FGFR4: variants seen among roughly 807,000 people sequenced by gnomAD.
FGFR4 encodes the protein fibroblast growth factor receptor 4, also known as hydroxyaryl-protein kinase.
A neutral mutation model predicts 89.9 loss-of-function variants in FGFR4; 63 were observed. The observed-to-expected ratio is 0.70, with a 90% CI of 0.57 to 0.86. FGFR4 has a LOEUF of 0.86. Among genes scored for constraint, FGFR4 ranks in the 40% least tolerant of loss-of-function variants. FGFR4 has a pLI of 0.00. For missense variants in FGFR4, 928 were observed against 1,106.7 expected, an observed-to-expected ratio of 0.84 and a Z score of 2.29; for synonymous variants, 486 against 479.4, an observed-to-expected ratio of 1.01 and a Z score of -0.18.
chr5:177,090,515 C>T lies in FGFR4; in HGVS notation c.217C>T (p.Leu73=), dbSNP rs771670162. The T allele has an allele frequency of 2.5e-5, 39 of 1,561,562 alleles. No homozygotes were observed. Among genetic ancestry groups the T allele is most frequent in the Non-Finnish European group, 3.4e-5 (39 of 1,153,580 alleles). The change falls in exon 3 of 18, where the codon CTG becomes TTG. Residue 73 remains leucine (L), a synonymous_variant. Transcript: ENST00000292408. ...GGHWYKEGSR[L]APAGRVRGWR... ...CCACTGGTACAAGGAGGGCAGTCGC[C>T]TGGCACCTGCTGGCCGTGTACGGGG...
chr5:177,096,452 C>T, intron 15 of FGFR4, 95 bp downstream of exon 15: 1 of 1,553,258 alleles, frequency 6.4e-7, no homozygotes, highest in East Asian at 2.3e-5. Context: ...TCGAGGGCTC[C>T]TTCAGATTTG....
chr5:177,095,550 G>A lies in FGFR4; in HGVS notation c.1648G>A (p.Val550Met), dbSNP rs774571806. ...CTCTGCAGGGCCCCTGTACGTGATC[G>A]TGGAGTGCGCCGCCAAGGGAAACCT... Reference protein sequence around the residue: ...CTQEGPLYVIVECAAKGNLRE... With the variant: ...CTQEGPLYVIMECAAKGNLRE... The change falls in exon 13 of 18, where the codon GTG (valine) becomes ATG (methionine). Residue 550 changes from valine (V) to methionine (M), a missense_variant. By Grantham distance (21) the Val-to-Met change is conservative (BLOSUM62 1). Around this residue, in one of 5 missense-constraint regions of FGFR4, gnomAD observed 741 missense variants for 836.9 expected, o/e 0.89. Coordinates refer to ENST00000292408, the MANE Select transcript of FGFR4 (RefSeq NM_213647.3). The surrounding 1 kb of genome is among the most constrained non-coding windows in gnomAD (Gnocchi z 5.7). The A allele has an allele frequency of 1.2e-6, 2 of 1,610,340 alleles. No individual in the cohort carries two copies. Among genetic ancestry groups the A allele is most frequent in the Non-Finnish European group, 1.7e-6 (2 of 1,178,372 alleles).
chr5:177,096,315 C>T lies in FGFR4; in HGVS notation c.1973C>T (p.Pro658Leu). Residue 658 changes from proline (P) to leucine (L), a missense_variant, in exon 15 of 18, where the codon CCC (proline) becomes CTC (leucine). By Grantham distance (98) the Pro-to-Leu change is moderately conservative (BLOSUM62 -3). This residue lies in a region of FGFR4 where 27 missense variants were observed against 64.4 expected (regional missense o/e 0.42). Coordinates refer to ENST00000292408, the MANE Select transcript of FGFR4 (RefSeq NM_213647.3). ...NGRLPVKWMA[P>L]EALFDRVYTH... ...CGCCTGCCTGTGAAGTGGATGGCGC[C>T]CGAGGCCTTGTTTGACCGGGTGTAC... 1 of 1,614,086 alleles carries T rather than the reference C, an allele frequency of 6.2e-7. No individual in the cohort carries two copies.
At position 177,097,112 on chromosome 5, in the gene FGFR4, C is replaced by G. The variant is rs1386810280; in HGVS notation, c.2154-180C>G. On this transcript the variant is annotated intron_variant, in intron 16 of 17. Transcript: ENST00000292408. ...CCTCCTCCTCCTCCTGCTCCTCTTC[C>G]TCCTCCTCCTCTTCCTCCTCCTCAG... is the stretch of plus-strand genomic sequence containing the variant. 4.1e-6 allele frequency: 2 copies of G among 493,408 alleles called. 1 individual carries two copies. The highest frequency in any genetic ancestry group is 5.3e-5 in the South Asian group (2 of 37,858). The allele number at this position is 493,408 out of a possible 1,614,324, so 30.6% of individuals were successfully genotyped here.
intron 14 of FGFR4, 52 bp downstream of exon 14, chr5:177,096,231 G>A (rs187044035): frequency 1.2e-3 from 1,957 of 1,613,258 alleles, no homozygotes; most frequent in Non-Finnish European, 1.5e-3. Flanking sequence ...CTGGGCCCGG[G>A]GTGGCAGGCA....
chr5:177,094,466 C>T (rs1784479817), intron 11 of FGFR4, among the ~76,000 whole-genome samples: 1 of 152,094 alleles, frequency 6.6e-6, no homozygotes, highest in African/African-American at 2.4e-5. Flanking sequence ...TTGTCAGCCT[C>T]ACAGGCCCTC....
At chr5:177,092,168 G>T (rs1349818794) in intron 6 of FGFR4, among the ~76,000 whole-genome samples, 153 bp from the exon 7 acceptor site, 1 of 152,190 alleles carries the variant, frequency 6.6e-6, no homozygotes, top group Non-Finnish European at 1.5e-5. Context: ...GAAGCAATAG[G>T]GAGCCAGGGA....
chr5:177,090,356 GC>G, intron 2 of FGFR4, 33 bp from the exon 3 acceptor site: 1 of 1,599,410 alleles, frequency 6.3e-7, no homozygotes, highest in Non-Finnish European at 8.5e-7. Flanking sequence ...AGATGGGGCT[GC>G]GGGGTCTGCT....
rs547054744 is a variant in FGFR4 at position 177,094,519 on chromosome 5, C to T, written c.1519+744C>T. Among the ~76,000 whole-genome samples, 40 of 151,940 alleles carry T rather than the reference C, an allele frequency of 2.6e-4. 1 individual carries two copies. Among genetic ancestry groups the T allele is most frequent in the Non-Finnish European group, 5.0e-4 (34 of 67,946 alleles). The stretch of plus-strand genomic sequence containing the variant: ...TTCCCCCCAGACACACCCTCAGCCT[C>T]CCTTGGACCCTCCCTAGGTCTGCCC... On this transcript the variant is annotated intron_variant, in intron 11 of 17. Coordinates refer to ENST00000292408, the MANE Select transcript of FGFR4 (RefSeq NM_213647.3).
intron 14 of FGFR4, 45 bp from the exon 15 acceptor site, chr5:177,096,242 C>T (rs774336410): frequency 5.0e-6 from 8 of 1,613,480 alleles, no homozygotes; most frequent in Middle Eastern, 1.7e-4. Context: ...GTGGCAGGCA[C>T]GAGGACCTGT....
In FGFR4 at chr5:177,093,787, C is replaced by G. The variant is rs1784455664; in HGVS notation, c.1519+12C>G. 2 of 1,607,592 alleles carry G rather than the reference C, an allele frequency of 1.2e-6. No homozygotes were observed. Among genetic ancestry groups the G allele is most frequent in the Admixed American group, 3.3e-5 (2 of 59,814 alleles). On this transcript the variant is annotated intron_variant, in intron 11 of 17. Transcript: ENST00000292408. This position sits in a 1 kb window ranked among gnomAD's most constrained non-coding sequence, Gnocchi z 5.8. ...CAAGATGCTCAAAGGTGAGTGTGGC[C>G]CGGTGTGGTGGCTCACACCTGTAAC...
intron 11 of FGFR4, among the ~76,000 whole-genome samples, chr5:177,094,106 C>T (rs1002197930): frequency 2.0e-5 from 3 of 151,810 alleles, no homozygotes; most frequent in Non-Finnish European, 4.4e-5. Flanking sequence ...AAAAGGTGAA[C>T]GTGGCAGCCT....
intron 16 of FGFR4, among the ~76,000 whole-genome samples, 182 bp downstream of exon 16, chr5:177,096,923 C>CT: frequency 1.4e-5 from 2 of 141,782 alleles, no homozygotes; most frequent in East Asian, 2.2e-4. Context: ...CCTCTTCCTC[C>CT]TCCTCCTCTT....
In FGFR4 at chr5:177,097,515, C is replaced by T. The variant is rs370539224; in HGVS notation, c.2260-12C>T. ...GGGCGCTGCAGAGGCTGACCAGCTC[C>T]GTTCCCCACAGTACCTCGACCTCCG... On this transcript the variant is annotated splice_polypyrimidine_tract_variant and intron_variant, in intron 17 of 17. Coordinates refer to ENST00000292408, the MANE Select transcript of FGFR4 (RefSeq NM_213647.3). 8 of 1,610,600 alleles carry T rather than the reference C, an allele frequency of 5.0e-6. No homozygotes were observed. The Admixed American group carries it at 6.7e-5, about 13-fold the overall frequency.
At chr5:177,088,711 A>G (rs1243574701) in intron 1 of FGFR4, among the ~76,000 whole-genome samples, 1 of 152,250 alleles carries the variant, frequency 6.6e-6, no homozygotes, top group Non-Finnish European at 1.5e-5. Context: ...ACAGCCTGAC[A>G]GTAACAGCAT....
rs1294881655 is a variant in FGFR4 at position 177,093,782 on chromosome 5, G to A, written c.1519+7G>A. Reference sequence around the variant, plus strand: ...GCCGTCAAGATGCTCAAAGGTGAGTGTGGCCCGGTGTGGTGGCTCACACCT... The same window carrying A: ...GCCGTCAAGATGCTCAAAGGTGAGTATGGCCCGGTGTGGTGGCTCACACCT... On this transcript the variant is annotated splice_region_variant and intron_variant, in intron 11 of 17. Coordinates refer to ENST00000292408, the MANE Select transcript of FGFR4 (RefSeq NM_213647.3). The surrounding 1 kb of genome is among the most constrained non-coding windows in gnomAD (Gnocchi z 5.8). 1.9e-6 allele frequency: 3 copies of A among 1,608,238 alleles called. No homozygotes were observed. Among genetic ancestry groups the A allele is most frequent in the Admixed American group, 1.7e-5 (1 of 59,840 alleles).
chr5:177,093,845 T>G lies in FGFR4; in HGVS notation c.1519+70T>G. ...CTTTAGGAGGCTGAGGGTGGGAGGA[T>G]CGCTTGAATCCAGGAATTCGAGGCC... On this transcript the variant is annotated intron_variant, in intron 11 of 17. Transcript: ENST00000292408. This position sits in a 1 kb window ranked among gnomAD's most constrained non-coding sequence, Gnocchi z 5.8. The G allele has an allele frequency of 1.3e-6, 2 of 1,523,986 alleles. No homozygotes were observed. Among genetic ancestry groups the G allele is most frequent in the Non-Finnish European group, 1.8e-6 (2 of 1,125,086 alleles). 94.4% of individuals were successfully genotyped at this position (1,523,986 alleles called of 1,614,324 possible). A position where few individuals can be genotyped will look rare whatever the true frequency, so the allele number is the denominator to read the frequency against.
At position 177,093,576 on chromosome 5, in the gene FGFR4, G is replaced by A. The variant is rs1210901013; in HGVS notation, c.1397+25G>A. 2 of 1,612,370 alleles carry A rather than the reference G, an allele frequency of 1.2e-6. No individual in the cohort carries two copies. Among genetic ancestry groups the A allele is most frequent in the South Asian group, 2.2e-5 (2 of 91,008 alleles). ...GGTGCGCTGAGCTGTGTGGGGGCAGGGACGCGGGCGCCGGGTTGCAGCCCG... is the reference window on the plus strand; with the variant it reads ...GGTGCGCTGAGCTGTGTGGGGGCAGAGACGCGGGCGCCGGGTTGCAGCCCG... On this transcript the variant is annotated intron_variant, in intron 10 of 17. Coordinates refer to ENST00000292408, the MANE Select transcript of FGFR4 (RefSeq NM_213647.3). This position sits in a 1 kb window ranked among gnomAD's most constrained non-coding sequence, Gnocchi z 5.8.
At chr5:177,094,127 C>G (rs1784466483) in intron 11 of FGFR4, among the ~76,000 whole-genome samples, 1 of 151,584 alleles carries the variant, frequency 6.6e-6, no homozygotes, top group Admixed American at 6.5e-5. Flanking sequence ...GGAGGAGGTG[C>G]TATGGCATTG....
Sources: allele counts gnomAD v4.1 joint callset (sites outside exome capture counted in the v4.1 genomes callset), GRCh38; gene constraint gnomAD v4.1.1; regional missense constraint gnomAD v4.1.1; non-coding constraint Gnocchi (gnomAD v3.1); transcripts MANE v1.5; gene names NCBI Gene and HGNC (gene_info 2026-07-23, HGNC 2026-07-21).